MAP3K7CL: variants seen among roughly 807,000 people sequenced by gnomAD.
MAP3K7CL encodes MAP3K7 C-terminal-like protein.
A neutral mutation model predicts 18.6 loss-of-function variants in MAP3K7CL; 16 were observed. That is an observed-to-expected ratio of 0.86 (90% CI 0.58 to 1.31). MAP3K7CL has a LOEUF of 1.31. MAP3K7CL is among the 50% of genes most tolerant of loss of function. The pLI is 0.00. For missense variants in MAP3K7CL, 163 were observed against 174.4 expected (o/e 0.93, Z 0.37); for synonymous variants, 65 against 66.8 (o/e 0.97, Z 0.13).
intron 4 of MAP3K7CL, among the ~76,000 whole-genome samples, chr21:29,101,906 C>T (rs1424497640): frequency 6.6e-6 from 1 of 152,116 alleles, no homozygotes; most frequent in Non-Finnish European, 1.5e-5. Context: ...TAAAAAGTTA[C>T]AAATAGAAGT....
At chr21:29,109,011 T>A (rs550633004) in intron 4 of MAP3K7CL, 2 of 1,504,240 alleles carry the variant, frequency 1.3e-6, no homozygotes, top group Non-Finnish European at 1.8e-6. Context: ...AATAATTTTC[T>A]AGAATCAGAA....
intron 3 of MAP3K7CL, among the ~76,000 whole-genome samples, chr21:29,151,178 T>C (rs1395171325): frequency 6.6e-6 from 1 of 151,640 alleles, no homozygotes; most frequent in African/African-American, 2.4e-5. Flanking sequence ...GGATTGCTAT[T>C]GAAAGTAATG....
chr21:29,144,551 T>C (rs1453675699), intron 2 of MAP3K7CL, among the ~76,000 whole-genome samples: 2 of 151,976 alleles, frequency 1.3e-5, no homozygotes, highest in Non-Finnish European at 2.9e-5. Flanking sequence ...CGGAGTGGTA[T>C]GGTGGAAAGA....
chr21:29,109,008 T>C, intron 4 of MAP3K7CL: 1 of 1,499,942 alleles, frequency 6.7e-7, no homozygotes, highest in Non-Finnish European at 8.9e-7. Context: ...CCAAATAATT[T>C]TCTAGAATCA....
At chr21:29,169,767 A>G (rs1179409008) in intron 4 of MAP3K7CL, among the ~76,000 whole-genome samples, 1 of 152,248 alleles carries the variant, frequency 6.6e-6, no homozygotes, top group African/African-American at 2.4e-5. Context: ...ATTTCCATAA[A>G]GTTTGAAAGT....
upstream of MAP3K7CL, among the ~76,000 whole-genome samples, chr21:29,085,545 TAAAAA>T (rs33938293): frequency 6.1e-5 from 3 of 48,988 alleles, no homozygotes; most frequent in Admixed American, 5.2e-4. Flanking sequence ...AGACTCTGTC[TAAAAA>T]AAAAAAAAAA....
Position 29,133,290 on chromosome 21 carries a change from T to G in MAP3K7CL, c.-39-16T>G, listed in dbSNP as rs1343483593. 6.5e-7 allele frequency: 1 copy of G among 1,543,852 alleles called. No homozygotes were observed. Among genetic ancestry groups the G allele is most frequent in the African/African-American group, 1.4e-5 (1 of 72,934 alleles). ...ATGCTGGATAAAGTGACAATGGCTC[T>G]CTCTTGCTGTCACAGCTGGAAGACC... On this transcript the variant is annotated splice_polypyrimidine_tract_variant and intron_variant, in intron 1 of 4. Coordinates refer to ENST00000399928, the MANE Select transcript of MAP3K7CL (RefSeq NM_001286620.2).
intron 4 of MAP3K7CL, among the ~76,000 whole-genome samples, chr21:29,098,119 C>A (rs1166049123): frequency 6.6e-6 from 1 of 152,210 alleles, no homozygotes; most frequent in African/African-American, 2.4e-5. Context: ...CCATACTGGA[C>A]AATAACCATC....
intron 4 of MAP3K7CL, among the ~76,000 whole-genome samples, chr21:29,120,291 G>C (rs2086570772): frequency 6.6e-6 from 1 of 152,048 alleles, no homozygotes. Context: ...CAATGAAAAG[G>C]TATCTCCTAC....
intron 2 of MAP3K7CL, among the ~76,000 whole-genome samples, chr21:29,133,868 A>G (rs2832208): frequency 0.12 from 17,927 of 152,280 alleles, 1,423 homozygotes; most frequent in East Asian, 0.4. Context: ...CTTCTGGCTA[A>G]ATCAACAGAC....
At chr21:29,165,922 GT>G (rs2087675391) in intron 4 of MAP3K7CL, among the ~76,000 whole-genome samples, 1 of 152,150 alleles carries the variant, frequency 6.6e-6, no homozygotes, top group Non-Finnish European at 1.5e-5. Flanking sequence ...CTAGTGTAAT[GT>G]TTTCATACAT....
chr21:29,085,546 A>T (rs1176950349), upstream of MAP3K7CL, among the ~76,000 whole-genome samples: 1 of 8,478 alleles, frequency 1.2e-4, no homozygotes, highest in African/African-American at 6.6e-4. Context: ...GACTCTGTCT[A>T]AAAAAAAAAA....
intron 4 of MAP3K7CL, among the ~76,000 whole-genome samples, chr21:29,161,322 A>ATTG (rs1568969716): frequency 6.7e-6 from 1 of 149,628 alleles, no homozygotes; most frequent in East Asian, 1.9e-4. Context: ...AAAAAAAACA[A>ATTG]TTTTTTTTTT....
intron 4 of MAP3K7CL, among the ~76,000 whole-genome samples, chr21:29,094,488 T>C (rs1355371245): frequency 6.6e-6 from 1 of 152,252 alleles, no homozygotes; most frequent in Non-Finnish European, 1.5e-5. Flanking sequence ...ACATTGCTCT[T>C]TGAGAACCAT....
intron 2 of MAP3K7CL, among the ~76,000 whole-genome samples, chr21:29,140,760 C>T (rs1394056942): frequency 1.3e-5 from 2 of 152,106 alleles, no homozygotes; most frequent in Non-Finnish European, 2.9e-5. Context: ...AAATATACTT[C>T]CAATAGGCTC....
At chr21:29,109,088 C>A (rs2086374379) in intron 4 of MAP3K7CL, 1 of 1,535,172 alleles carries the variant, frequency 6.5e-7, no homozygotes, top group South Asian at 1.2e-5. Flanking sequence ...CCTTGTTCAT[C>A]ATTTCATTTC....
chr21:29,107,628 ATGTGGTAT>A (rs995666301), intron 4 of MAP3K7CL, among the ~76,000 whole-genome samples: 4 of 152,064 alleles, frequency 2.6e-5, no homozygotes, highest in Non-Finnish European at 5.9e-5. Flanking sequence ...TCACGTGGGG[ATGTGGTAT>A]CTTGAGCTGC....
intron 4 of MAP3K7CL, among the ~76,000 whole-genome samples, chr21:29,095,676 A>C (rs978396934): frequency 6.6e-6 from 1 of 152,202 alleles, no homozygotes; most frequent in African/African-American, 2.4e-5. Context: ...ACTATTCCAG[A>C]GCAGTGGTTG....
At chr21:29,087,689 G>C (rs1285897391) in intron 1 of MAP3K7CL, among the ~76,000 whole-genome samples, 1 of 149,526 alleles carries the variant, frequency 6.7e-6, no homozygotes, top group Non-Finnish European at 1.5e-5. Context: ...CGCCTCCGGG[G>C]TTCAAACGAT....
Sources: allele counts gnomAD v4.1 joint callset (sites outside exome capture counted in the v4.1 genomes callset), GRCh38; gene constraint gnomAD v4.1.1; transcripts MANE v1.5; gene names NCBI Gene and HGNC (gene_info 2026-07-23, HGNC 2026-07-21).